Variants in DOCK8 observed in about 807,000 individuals in gnomAD.
The protein encoded by DOCK8 is dedicator of cytokinesis 8, also known as dedicator of cytokinesis protein 8.
DOCK8 carries 141 observed loss-of-function variants against 245.6 expected under a neutral mutation model. That is an observed-to-expected ratio of 0.57 (90% confidence interval 0.50 to 0.66). DOCK8 has a LOEUF of 0.66. Among genes scored for constraint, DOCK8 ranks in the 30% least tolerant of loss-of-function variants. The pLI is 0.00. For synonymous variants in DOCK8, 1,168 were observed against 970.2 expected (o/e 1.20, Z -3.79); for missense variants, 2,965 against 2,603.4 (o/e 1.14, Z -3.02).
At chr9:215,095 T>C in intron 1 of DOCK8, 66 bp downstream of exon 1, 1 of 1,517,778 alleles carries the variant, frequency 6.6e-7, no homozygotes, top group Non-Finnish European at 8.8e-7. Flanking sequence ...AAGCGGAGCT[T>C]CGCTGCAGGG....
intron 14 of DOCK8, among the ~76,000 whole-genome samples, chr9:362,878 A>G (rs1216937118): frequency 6.6e-6 from 1 of 152,224 alleles, no homozygotes; most frequent in Non-Finnish European, 1.5e-5. Flanking sequence ...GTGGCTTTGA[A>G]TGATTTCAAG....
chr9:264,981 G>C (rs980257882), intron 1 of DOCK8, among the ~76,000 whole-genome samples: 1 of 152,058 alleles, frequency 6.6e-6, no homozygotes, highest in Non-Finnish European at 1.5e-5. Flanking sequence ...CCCCAGGCTG[G>C]AGTGCAATGG....
chr9:344,226 G>T (rs1050140620), intron 14 of DOCK8, among the ~76,000 whole-genome samples: 2 of 152,186 alleles, frequency 1.3e-5, no homozygotes, highest in African/African-American at 2.4e-5. Flanking sequence ...TTGGCTCACA[G>T]TTCTTCTCTG....
intron 39 of DOCK8, among the ~76,000 whole-genome samples, chr9:438,014 T>C (rs759197104): frequency 5.2e-5 from 8 of 152,390 alleles, no homozygotes; most frequent in Non-Finnish European, 1.2e-4. Flanking sequence ...TCTTGGATCT[T>C]CTGTTGTCAC....
At position 383,256 on chromosome 9, in the gene DOCK8, C is replaced by G. The variant is rs143168805; in HGVS notation, c.2778+571C>G. On this transcript the variant is annotated intron_variant, in intron 22 of 47. Coordinates refer to ENST00000432829, the MANE Select transcript of DOCK8 (RefSeq NM_203447.4). ...CTCTACTAAAAATAAAAACATTGGCCAAGCACGGTGGCTCACACCTGTAAT... is the reference window on the plus strand; with the variant it reads ...CTCTACTAAAAATAAAAACATTGGCGAAGCACGGTGGCTCACACCTGTAAT... Among the ~76,000 whole-genome samples the G allele has an allele frequency of 5.7e-3, 867 of 151,924 alleles. 8 individuals carry two copies. Among genetic ancestry groups the G allele is most frequent in the African/African-American group, 0.02 (842 of 41,420 alleles).
chr9:435,109 A>T lies in DOCK8; in HGVS notation c.5079+134A>T. The T allele has an allele frequency of 3.0e-6, 3 of 1,008,636 alleles. No individual in the cohort carries two copies. In the South Asian group the frequency reaches 4.2e-5, roughly 14 times the overall value. The allele number at this position is 1,008,636 out of a possible 1,614,324, so 62.5% of individuals were successfully genotyped here. A position where few individuals can be genotyped will look rare whatever the true frequency, so the allele number is the denominator to read the frequency against. On this transcript the variant is annotated intron_variant, in intron 39 of 47. Coordinates refer to ENST00000432829, the MANE Select transcript of DOCK8 (RefSeq NM_203447.4). ...CAACTGGGATGGGTGAGTAGGTGCT[A>T]CTGGCATCTGACTGGTAGAAGCCAG...
chr9:316,280 T>A (rs2050342983), intron 6 of DOCK8, among the ~76,000 whole-genome samples: 1 of 152,164 alleles, frequency 6.6e-6, no homozygotes. Context: ...GAGTGGGAAT[T>A]ACTGTTTTCA....
chr9:285,654 G>T (rs2048792219), intron 2 of DOCK8, among the ~76,000 whole-genome samples: 3 of 152,052 alleles, frequency 2.0e-5, no homozygotes, highest in Non-Finnish European at 4.4e-5. Context: ...ACTGACAAAG[G>T]TTGCCAACTT....
intron 39 of DOCK8, among the ~76,000 whole-genome samples, chr9:435,613 C>G (rs951968495): frequency 1.3e-5 from 2 of 152,154 alleles, no homozygotes; most frequent in African/African-American, 4.8e-5. Context: ...ACTCTCCAAT[C>G]CAAAAATCAA....
intron 10 of DOCK8, 55 bp from the exon 11 acceptor site, chr9:334,170 C>CAGTT: frequency 6.2e-7 from 1 of 1,600,964 alleles, no homozygotes; most frequent in Non-Finnish European, 8.6e-7. Flanking sequence ...AGGTCAGAGG[C>CAGTT]AGTTGACTTG....
chr9:228,119 A>G (rs2131362927), intron 1 of DOCK8, among the ~76,000 whole-genome samples: 1 of 152,318 alleles, frequency 6.6e-6, no homozygotes, highest in South Asian at 2.1e-4. Context: ...TCCTTTAAAA[A>G]GCCTGGATGA....
At chr9:336,842 T>C in intron 12 of DOCK8, 124 bp downstream of exon 12, 1 of 1,138,574 alleles carries the variant, frequency 8.8e-7, no homozygotes, top group African/African-American at 1.5e-5. Context: ...TCTTAGTTCA[T>C]TTTCTGCTGC....
intron 1 of DOCK8, among the ~76,000 whole-genome samples, chr9:223,420 G>T (rs1175417649): frequency 2.6e-5 from 4 of 152,080 alleles, no homozygotes; most frequent in Non-Finnish European, 4.4e-5. Flanking sequence ...GGAGTGAGGA[G>T]ATTTACTCAA....
At chr9:398,955 G>A (rs553724630) in intron 25 of DOCK8, among the ~76,000 whole-genome samples, 191 bp from the exon 26 acceptor site, 4 of 152,256 alleles carry the variant, frequency 2.6e-5, no homozygotes, top group Admixed American at 2.0e-4. Context: ...AACAGTGCAC[G>A]AATAATTACT....
intron 2 of DOCK8, among the ~76,000 whole-genome samples, chr9:278,465 C>T (rs1048646928): frequency 2.6e-5 from 4 of 152,174 alleles, no homozygotes; most frequent in Admixed American, 6.5e-5. Context: ...ACAGTGAATA[C>T]AATAGAGGGC....
In DOCK8 at chr9:451,972, TATA is replaced by T. The variant is rs1353394754; in HGVS notation, c.5962-38_5962-36del. ...GTGTGTGTGTATATATATATATATA[TATA>T]TATTTTTTTTTTTTTTTTTTTTTTT... On this transcript the variant is annotated intron_variant, in intron 45 of 47. Coordinates refer to ENST00000432829, the MANE Select transcript of DOCK8 (RefSeq NM_203447.4). 1.9e-4 allele frequency: 67 copies of T among 357,224 alleles called. 2 individuals carry two copies. Among genetic ancestry groups the T allele is most frequent in the South Asian group, 8.0e-4 (23 of 28,928 alleles). 22.1% of individuals were successfully genotyped at this position (357,224 alleles called of 1,614,324 possible). A position where few individuals can be genotyped will look rare whatever the true frequency, so the allele number is the denominator to read the frequency against.
chr9:324,699 C>T (rs2130799491), intron 7 of DOCK8, among the ~76,000 whole-genome samples: 1 of 152,282 alleles, frequency 6.6e-6, no homozygotes, highest in African/African-American at 2.4e-5. Flanking sequence ...GACATTCATC[C>T]CCATCAAAAC....
chr9:446,674 A>T, intron 44 of DOCK8, 68 bp downstream of exon 44: 2 of 1,388,872 alleles, frequency 1.4e-6, no homozygotes, highest in East Asian at 4.7e-5. Flanking sequence ...AGGACCCACA[A>T]ACCTCTTTCA....
intron 10 of DOCK8, among the ~76,000 whole-genome samples, chr9:333,614 AAT>A (rs1281752591): frequency 1.3e-5 from 2 of 151,648 alleles, no homozygotes; most frequent in Non-Finnish European, 2.9e-5. Context: ...AAAAAAAAAA[AAT>A]AGCCTTTCTG....
Sources: allele counts gnomAD v4.1 joint callset (sites outside exome capture counted in the v4.1 genomes callset), GRCh38; gene constraint gnomAD v4.1.1; transcripts MANE v1.5; gene names NCBI Gene and HGNC (gene_info 2026-07-23, HGNC 2026-07-21).